The following PRKN variants were observed in gnomAD, a reference collection of about 807,000 sequenced individuals.
PRKN encodes the protein parkin RBR E3 ubiquitin protein ligase.
In PRKN, 56 loss-of-function variants were observed where a neutral mutation model predicts 59.5. The observed-to-expected ratio is 0.94, with a 90% CI of 0.76 to 1.18. The LOEUF (loss-of-function observed/expected upper bound fraction) is 1.18. Ranked by LOEUF, PRKN falls within the 50% of genes most tolerant of loss-of-function variation. PRKN has a pLI of 0.00. For synonymous variants in PRKN, 250 were observed against 222.1 expected (o/e 1.13, Z -1.12); for missense variants, 657 against 596.4 (o/e 1.10, Z -1.06).
chr6:162,067,676 T>G (rs1248338304), intron 4 of PRKN, among the ~76,000 whole-genome samples: 1 of 152,184 alleles, frequency 6.6e-6, no homozygotes, highest in Admixed American at 6.5e-5. Context: ...AGCAATGGTG[T>G]AACGAATATA....
At chr6:162,432,505 AC>A (rs751422433) in intron 2 of PRKN, among the ~76,000 whole-genome samples, 3 of 151,748 alleles carry the variant, frequency 2.0e-5, no homozygotes, top group Non-Finnish European at 2.9e-5. Flanking sequence ...CAACCTGGCA[AC>A]AAAGCGAGAC....
At chr6:162,566,231 A>C (rs1410961065) in intron 1 of PRKN, among the ~76,000 whole-genome samples, 1 of 152,170 alleles carries the variant, frequency 6.6e-6, no homozygotes, top group South Asian at 2.1e-4. Context: ...ATGATAGCCC[A>C]AAAATCAGCA....
chr6:161,724,599 T>C (rs1198578948), intron 7 of PRKN, among the ~76,000 whole-genome samples: 2 of 152,250 alleles, frequency 1.3e-5, no homozygotes, highest in African/African-American at 4.8e-5. Flanking sequence ...TTCTGGATGC[T>C]GAGGCTGTAA....
chr6:161,868,127 C>T (rs1021977001), intron 6 of PRKN, among the ~76,000 whole-genome samples: 3 of 152,032 alleles, frequency 2.0e-5, no homozygotes, highest in African/African-American at 7.2e-5. Context: ...TATAATGTTT[C>T]TAAGATCATT....
intron 9 of PRKN, among the ~76,000 whole-genome samples, chr6:161,404,086 C>A (rs1190040318): frequency 6.6e-6 from 1 of 152,030 alleles, no homozygotes; most frequent in Non-Finnish European, 1.5e-5. Flanking sequence ...CCTCCCTGAC[C>A]CCAGGCCTGG....
At chr6:161,634,941 C>T (rs1047526773) in intron 7 of PRKN, among the ~76,000 whole-genome samples, 11 of 152,290 alleles carry the variant, frequency 7.2e-5, no homozygotes, top group Non-Finnish European at 1.0e-4. Context: ...CTGTGGGCTT[C>T]GCATAGCATC....
At chr6:161,794,975 C>G (rs1303068917) in intron 6 of PRKN, among the ~76,000 whole-genome samples, 1 of 151,982 alleles carries the variant, frequency 6.6e-6, no homozygotes, top group East Asian at 1.9e-4. Flanking sequence ...AGCTCCGCCT[C>G]CCGGGTTCAC....
intron 2 of PRKN, among the ~76,000 whole-genome samples, chr6:162,412,770 C>A (rs1399365686): frequency 6.6e-6 from 1 of 152,056 alleles, no homozygotes; most frequent in African/African-American, 2.4e-5. Context: ...AGCTTGAGAA[C>A]TGTAAGCTTA....
intron 6 of PRKN, among the ~76,000 whole-genome samples, chr6:161,792,695 T>C (rs1156349889): frequency 1.3e-5 from 2 of 152,212 alleles, no homozygotes; most frequent in South Asian, 2.1e-4. Context: ...GTTTGTGCAA[T>C]AGTAACACAG....
chr6:162,384,935 C>CA (rs1467729463), intron 2 of PRKN, among the ~76,000 whole-genome samples: 1 of 152,042 alleles, frequency 6.6e-6, no homozygotes, highest in East Asian at 1.9e-4. Flanking sequence ...CCTGCCTTCC[C>CA]CTCCCTTTTG....
At chr6:162,443,615 A>C in intron 1 of PRKN, 142 bp from the exon 2 acceptor site, 1 of 786,680 alleles carries the variant, frequency 1.3e-6, no homozygotes. Context: ...ACAACAAAAA[A>C]CTTAATGCTA....
intron 6 of PRKN, among the ~76,000 whole-genome samples, chr6:161,942,775 A>G (rs1779613609): frequency 6.6e-6 from 1 of 152,170 alleles, no homozygotes. Flanking sequence ...TGGAACCACA[A>G]TCTAACATTT....
intron 7 of PRKN, among the ~76,000 whole-genome samples, chr6:161,657,480 C>T (rs548955984): frequency 9.2e-5 from 14 of 152,310 alleles, no homozygotes; most frequent in Admixed American, 9.1e-4. Context: ...CCCGCACCCA[C>T]AGGCTGGCCT....
intron 4 of PRKN, among the ~76,000 whole-genome samples, chr6:162,159,387 A>T (rs1047731963): frequency 3.3e-5 from 5 of 152,208 alleles, no homozygotes; most frequent in African/African-American, 1.2e-4. Flanking sequence ...CAATACAATC[A>T]AAATCTGATC....
Position 161,349,651 on chromosome 6 carries a change from A to G in PRKN, c.*448T>C, listed in dbSNP as rs565924215. ...GAAACACCTTGTCAATGGCATCTTC[A>G]TGGTGTTTACTGAAGGTAAAAGGCA... On this transcript the variant is annotated 3_prime_UTR_variant, in exon 12 of 12. Coordinates refer to ENST00000366898, the MANE Select transcript of PRKN (RefSeq NM_004562.3). This position sits in a 1 kb window ranked among gnomAD's most constrained non-coding sequence, Gnocchi z 5.5. 21 of 281,614 alleles carry G rather than the reference A, an allele frequency of 7.5e-5. No homozygotes were observed. Among genetic ancestry groups the G allele is most frequent in the African/African-American group, 4.2e-4 (20 of 47,096 alleles). The allele number at this position is 281,614 out of a possible 1,614,324, so 17.4% of individuals were successfully genotyped here.
At chr6:161,358,383 C>T (rs1445778395) in intron 11 of PRKN, among the ~76,000 whole-genome samples, 1 of 152,044 alleles carries the variant, frequency 6.6e-6, no homozygotes, top group African/African-American at 2.4e-5. Context: ...GAGGCCAAGG[C>T]GGGTAGATCA....
chr6:161,366,185 G>A (rs912348352), intron 10 of PRKN, among the ~76,000 whole-genome samples: 1 of 152,220 alleles, frequency 6.6e-6, no homozygotes. Flanking sequence ...TCCACTGTGA[G>A]AAGATGCAGT....
At position 161,399,658 on chromosome 6, in the gene PRKN, CA is replaced by C. The variant is rs1273950015; in HGVS notation, c.1084-12782del. Reference sequence around the variant, plus strand: ...TAAGAAGAGGAAGGTGAACTGGGACCAATGGAGTTTGCTGGAAATGATAGCC... The same window carrying C: ...TAAGAAGAGGAAGGTGAACTGGGACCATGGAGTTTGCTGGAAATGATAGCC... On this transcript the variant is annotated intron_variant, in intron 9 of 11. Transcript: ENST00000366898. The surrounding 1 kb of genome is among the most constrained non-coding windows in gnomAD (Gnocchi z 4.4). 6.6e-6 allele frequency among the ~76,000 whole-genome samples: 1 copy of C among 152,058 alleles called. No individual in the cohort carries two copies. Among genetic ancestry groups the C allele is most frequent in the Non-Finnish European group, 1.5e-5 (1 of 68,030 alleles).
chr6:162,105,666 C>G (rs1780165527), intron 4 of PRKN, among the ~76,000 whole-genome samples: 1 of 152,198 alleles, frequency 6.6e-6, no homozygotes, highest in African/African-American at 2.4e-5. Context: ...TCCCAAAGTG[C>G]TGGGATTACA....
Sources: gnomAD v4.1 joint callset for allele counts (sites outside exome capture counted in the v4.1 genomes callset) on GRCh38, gnomAD v4.1.1 for gene constraint, Gnocchi (gnomAD v3.1) non-coding constraint, MANE v1.5 for transcripts, NCBI Gene and HGNC (gene_info 2026-07-23, HGNC 2026-07-21) for gene names.